CUBN: variants seen among roughly 807,000 people sequenced by gnomAD.
CUBN encodes 460 kDa receptor.
A neutral mutation model predicts 405.3 loss-of-function variants in CUBN; 282 were observed. The ratio of observed to expected loss-of-function variants is 0.70; its 90% CI spans 0.63 to 0.77. The LOEUF (loss-of-function observed/expected upper bound fraction) is 0.77. Among genes scored for constraint, CUBN ranks in the 30% least tolerant of loss-of-function variants. The probability of loss-of-function intolerance (pLI) is 0.00; values close to 1 mark genes in which losing one functional copy is unlikely to be tolerated. For missense variants in CUBN, 4,514 were observed against 4,475.2 expected (o/e 1.01, Z -0.25); for synonymous variants, 1,684 against 1,617.0 (o/e 1.04, Z -0.99).
chr10:16,845,777 A>G (rs890023587), intron 60 of CUBN, among the ~76,000 whole-genome samples: 3 of 152,186 alleles, frequency 2.0e-5, no homozygotes, highest in African/African-American at 4.8e-5. Context: ...CCTCTCCCCA[A>G]AGATGGACAG....
At chr10:16,914,834 C>T (rs933221352) in intron 47 of CUBN, among the ~76,000 whole-genome samples, 198 bp downstream of exon 47, 2 of 152,152 alleles carry the variant, frequency 1.3e-5, no homozygotes, top group African/African-American at 2.4e-5. Context: ...TTATCTCTCT[C>T]GTGATACTAG....
Position 16,938,991 on chromosome 10 carries a change from A to T in CUBN, c.5705T>A (p.Ile1902Lys), listed in dbSNP as rs988636268. 1.9e-6 allele frequency: 3 copies of T among 1,613,820 alleles called. No individual in the cohort carries two copies. Among genetic ancestry groups the T allele is most frequent in the Non-Finnish European group, 2.5e-6 (3 of 1,179,834 alleles). Reference protein sequence around the residue: ...GRILEMDIEEIQNCYYDKLRI... With the variant: ...GRILEMDIEEKQNCYYDKLRI... Reference sequence around the variant, plus strand: ...TAATTTGTCATAATAGCAGTTTTGTATTTCTTCTATGTCCATCTCCAAGAT... The same window carrying T: ...TAATTTGTCATAATAGCAGTTTTGTTTTTCTTCTATGTCCATCTCCAAGAT... Residue 1902 changes from isoleucine (I) to lysine (K), a missense_variant, in exon 38 of 67, where the codon ATA becomes AAA. By Grantham distance (102) the Ile-to-Lys change is moderately radical (BLOSUM62 -3). Transcript: ENST00000377833.
At chr10:16,982,200 C>T (rs757862320) in intron 31 of CUBN, among the ~76,000 whole-genome samples, 16 of 152,146 alleles carry the variant, frequency 1.1e-4, no homozygotes, top group Non-Finnish European at 2.2e-4. Flanking sequence ...ATAAAAACCA[C>T]TGCAGCCATT....
intron 8 of CUBN, among the ~76,000 whole-genome samples, chr10:17,113,427 A>T (rs1836814543): frequency 1.5e-3 from 1 of 658 alleles, no homozygotes; most frequent in African/African-American, 3.7e-3. Context: ...GCATCCTACA[A>T]AAAAAAAAAT....
chr10:16,924,064 G>C (rs1842114546), intron 43 of CUBN, among the ~76,000 whole-genome samples: 1 of 151,942 alleles, frequency 6.6e-6, no homozygotes, highest in Admixed American at 6.6e-5. Flanking sequence ...GAGAGACCCT[G>C]TCTCAAGAAA....
chr10:17,110,564 G>C (rs1018222807), intron 9 of CUBN, among the ~76,000 whole-genome samples: 1 of 152,018 alleles, frequency 6.6e-6, no homozygotes, highest in Non-Finnish European at 1.5e-5. Context: ...GTCTCACTCT[G>C]TTGCCTAGGC....
rs2131700976 is a variant in CUBN at position 16,984,162 on chromosome 10, T to A, written c.4468A>T (p.Thr1490Ser). The A allele has an allele frequency of 1.2e-6, 2 of 1,614,148 alleles. No individual in the cohort carries two copies. Among genetic ancestry groups the A allele is most frequent in the Admixed American group, 1.7e-5 (1 of 60,014 alleles). Reference protein sequence around the residue: ...TGNELAIRFKTDLSINGRGFN... With the variant: ...TGNELAIRFKSDLSINGRGFN... ...CCTCTCCCATTTATGGACAAGTCGGTCTTGAATCGAATTGCTAGCTCATTT... is the reference window on the plus strand; with the variant it reads ...CCTCTCCCATTTATGGACAAGTCGGACTTGAATCGAATTGCTAGCTCATTT... Residue 1490 changes from threonine to serine, a missense_variant, in exon 30 of 67, where the codon ACC (threonine) becomes TCC (serine). This residue lies in a region of CUBN where 1,613 missense variants were observed against 1,542.8 expected (regional missense o/e 1.05). Transcript: ENST00000377833.
At chr10:17,117,414 A>G (rs938528174) in intron 6 of CUBN, among the ~76,000 whole-genome samples, 1 of 152,066 alleles carries the variant, frequency 6.6e-6, no homozygotes, top group Non-Finnish European at 1.5e-5. Context: ...TCACTCTGTC[A>G]CCCAGGCTGG....
At position 17,109,703 on chromosome 10, in the gene CUBN, T is replaced by C. The variant is rs2131307337; in HGVS notation, c.1048A>G (p.Thr350Ala). 3 of 1,613,904 alleles carry C rather than the reference T, an allele frequency of 1.9e-6. No homozygotes were observed. Among genetic ancestry groups the C allele is most frequent in the Non-Finnish European group, 2.5e-6 (3 of 1,179,970 alleles). ...CCATTACTGACTGAGCAGATGTCTG[T>C]GAGTGTGCACACTCTTCCGTCACCC... ...YQGDGRVCTL[T>A]DICSVSNGGC... The change falls in exon 10 of 67, where the codon ACA (threonine) becomes GCA (alanine). Residue 350 changes from threonine to alanine, a missense_variant. Thr to Ala is a moderately conservative substitution (Grantham distance 58). Around this residue, in one of 5 missense-constraint regions of CUBN, gnomAD observed 1,448 missense variants for 1,388.0 expected, o/e 1.04. Transcript: ENST00000377833.
chr10:17,087,472 C>CTTTTT (rs775573918), intron 15 of CUBN, among the ~76,000 whole-genome samples: 13,348 of 70,766 alleles, frequency 0.19, 1,954 homozygotes, highest in Middle Eastern at 0.36. Flanking sequence ...TTTTCTTTTT[C>CTTTTT]TTTTTTTTTT....
At chr10:17,047,972 G>T (rs1262878138) in intron 22 of CUBN, among the ~76,000 whole-genome samples, 1 of 152,214 alleles carries the variant, frequency 6.6e-6, no homozygotes, top group Non-Finnish European at 1.5e-5. Flanking sequence ...TCCCTTTAAA[G>T]TGGTTTTCAC....
chr10:16,867,882 G>A (rs1840232596), intron 59 of CUBN, among the ~76,000 whole-genome samples: 1 of 152,162 alleles, frequency 6.6e-6, no homozygotes, highest in Admixed American at 6.5e-5. Context: ...GAAGCTTCAT[G>A]CAGATGATAG....
At position 16,965,477 on chromosome 10, in the gene CUBN, C is replaced by T. The variant is rs115047799; in HGVS notation, c.4696-10929G>A. Among the ~76,000 whole-genome samples the T allele has an allele frequency of 9.7e-3, 1,477 of 151,534 alleles. 29 individuals carry two copies. The highest frequency in any genetic ancestry group is 0.033 in the African/African-American group (1,354 of 41,280). On this transcript the variant is annotated intron_variant, in intron 31 of 66. Transcript: ENST00000377833. ...AAAACCCTGGGGTGATTAAATGGCT[C>T]GTGACCACCTGACTGAAATGTCAGT... is the stretch of plus-strand genomic sequence containing the variant.
rs1262110933 is a variant in CUBN, at chr10:16,990,342, C to T, written c.4342G>A (p.Val1448Ile). ...ACCATCTCACTTCCTACCTCCAAGACATCAAAGTTGCACCTTGAATGATAC... is the reference window on the plus strand; with the variant it reads ...ACCATCTCACTTCCTACCTCCAAGATATCAAAGTTGCACCTTGAATGATAC... ...VEYHSRCNFDVLEIYGGPDFH... is the reference protein window; with the variant it reads ...VEYHSRCNFDILEIYGGPDFH... Residue 1448 changes from valine to isoleucine, a missense_variant, in exon 29 of 67, where the codon GTC becomes ATC. Physicochemically the swap from Val to Ile is conservative, Grantham distance 29. Around this residue, in one of 5 missense-constraint regions of CUBN, gnomAD observed 1,613 missense variants for 1,542.8 expected, o/e 1.05. Transcript: ENST00000377833. The T allele has an allele frequency of 1.2e-6, 2 of 1,614,012 alleles. No individual in the cohort carries two copies. The highest frequency in any genetic ancestry group is 1.7e-5 in the Admixed American group (1 of 60,008).
intron 28 of CUBN, among the ~76,000 whole-genome samples, chr10:17,017,773 T>C (rs920970622): frequency 2.0e-5 from 3 of 152,142 alleles, no homozygotes; most frequent in African/African-American, 7.2e-5. Context: ...TTAGAAATCA[T>C]TCTTACAGGA....
chr10:17,083,236 T>C (rs1836011486), intron 17 of CUBN, among the ~76,000 whole-genome samples: 1 of 152,170 alleles, frequency 6.6e-6, no homozygotes, highest in Non-Finnish European at 1.5e-5. Flanking sequence ...CCGGTTGCAG[T>C]AGCTCATGCC....
rs1841481675 is a variant in CUBN at position 16,903,948 on chromosome 10, C to A, written c.8062+18G>T. 7 of 1,537,626 alleles carry A rather than the reference C, an allele frequency of 4.6e-6. No individual in the cohort carries two copies. The highest frequency in any genetic ancestry group is 1.2e-5 in the South Asian group (1 of 83,414). ...TCTTTATAAGTAATTTTATCAAGAT[C>A]TTAATTATAATTCTTACCTGTAAAG... On this transcript the variant is annotated intron_variant, in intron 51 of 66. Transcript: ENST00000377833.
chr10:17,041,293 A>T, intron 26 of CUBN, 73 bp from the exon 27 acceptor site: 1 of 1,225,298 alleles, frequency 8.2e-7, no homozygotes. Flanking sequence ...ATTTTCCTTT[A>T]AAAAAAATAA....
chr10:17,050,300 T>C (rs1178823360), intron 22 of CUBN, among the ~76,000 whole-genome samples: 3 of 152,288 alleles, frequency 2.0e-5, no homozygotes, highest in African/African-American at 7.2e-5. Flanking sequence ...CAGTACAAGA[T>C]TGTGATTCTT....
Sources: gnomAD v4.1 joint callset for allele counts (sites outside exome capture counted in the v4.1 genomes callset) on GRCh38, gnomAD v4.1.1 for gene constraint, gnomAD v4.1.1 regional missense constraint, MANE v1.5 for transcripts, NCBI Gene and HGNC (gene_info 2026-07-23, HGNC 2026-07-21) for gene names.